TP73: variants seen among roughly 807,000 people sequenced by gnomAD.
TP73 encodes tumor protein p73.
Under a neutral mutation model 62.5 loss-of-function variants are expected in TP73, and 25 were observed. The observed-to-expected ratio is 0.40, with a 90% CI of 0.29 to 0.56. TP73 has a LOEUF of 0.56. Among genes scored for constraint, TP73 ranks in the 20% least tolerant of loss-of-function variants. TP73 has a pLI of 0.46. For missense variants in TP73, 754 were observed against 913.3 expected, an observed-to-expected ratio of 0.83 and a Z score of 2.25; for synonymous variants, 423 against 377.5, an observed-to-expected ratio of 1.12 and a Z score of -1.40.
intron 13 of TP73, among the ~76,000 whole-genome samples, chr1:3,732,439 G>GGTCC (rs1192008473): frequency 1.3e-5 from 2 of 152,202 alleles, no homozygotes; most frequent in African/African-American, 2.4e-5. Context: ...ATGAGCTGGG[G>GGTCC]GTCCACTCCA....
At chr1:3,681,728 C>T (rs961134148) in intron 1 of TP73, among the ~76,000 whole-genome samples, 4 of 152,212 alleles carry the variant, frequency 2.6e-5, no homozygotes, top group African/African-American at 4.8e-5. Flanking sequence ...CAGCCTCCAG[C>T]GCAGCCCTCA....
rs1638719274 is a variant in TP73 at position 3,696,999 on chromosome 1, CT to C, written c.187-10549del. ...AGGACCTCAACTTGCTAAACCCAAA[CT>C]AAACTTATCTTCCCCTGAGAGGGGA... On this transcript the variant is annotated intron_variant, in intron 3 of 13. Transcript: ENST00000378295. The surrounding 1 kb of genome is among the most constrained non-coding windows in gnomAD (Gnocchi z 4.1). 1.3e-5 allele frequency among the ~76,000 whole-genome samples: 2 copies of C among 152,222 alleles called. No homozygotes were observed. Among genetic ancestry groups the C allele is most frequent in the African/African-American group, 4.8e-5 (2 of 41,466 alleles).
intron 11 of TP73, among the ~76,000 whole-genome samples, chr1:3,730,417 G>T (rs1329783082): frequency 6.6e-6 from 1 of 152,234 alleles, no homozygotes; most frequent in Non-Finnish European, 1.5e-5. Context: ...GCTTGGGGAA[G>T]GCTCTTAACA....
chr1:3,702,119 C>G (rs574123377), intron 3 of TP73, among the ~76,000 whole-genome samples: 6 of 152,366 alleles, frequency 3.9e-5, no homozygotes, highest in Non-Finnish European at 7.3e-5. Context: ...CAGCCATCAC[C>G]GTCCCCAGCT....
At chr1:3,690,869 C>T in intron 3 of TP73, 1 of 1,562,648 alleles carries the variant, frequency 6.4e-7, no homozygotes, top group Non-Finnish European at 8.7e-7. Context: ...CACGGGACAC[C>T]AGTTCCCTGG....
chr1:3,661,880 T>C (rs6665998), intron 1 of TP73, among the ~76,000 whole-genome samples: 11,671 of 148,002 alleles, frequency 0.079, 610 homozygotes, highest in East Asian at 0.16. Context: ...ATATATTTTT[T>C]ATTTTATTTT....
chr1:3,709,311 C>G (rs1379556741), intron 4 of TP73, among the ~76,000 whole-genome samples: 2 of 152,216 alleles, frequency 1.3e-5, no homozygotes, highest in African/African-American at 4.8e-5. Context: ...GCACCTCCTC[C>G]GGGGCCTCCC....
chr1:3,654,118 G>A (rs542981857), intron 1 of TP73, among the ~76,000 whole-genome samples: 3 of 152,294 alleles, frequency 2.0e-5, no homozygotes, highest in African/African-American at 4.8e-5. Flanking sequence ...AGGTTGCAGC[G>A]AGCTGATATC....
At chr1:3,722,430 T>A (rs144666894) in intron 5 of TP73, among the ~76,000 whole-genome samples, 3,582 of 152,238 alleles carry the variant, frequency 0.024, 60 homozygotes, top group Middle Eastern at 0.041. Flanking sequence ...CTGGGCAGAG[T>A]CTGAGGGGCA....
rs115837533 is a variant in TP73 at position 3,707,259 on chromosome 1, C to T, written c.187-290C>T. ...TCAGGGCCTGGGAGCCTCCCCCACC[C>T]GACGCCTCCCCTCCAGGTGTGCAGA... On this transcript the variant is annotated intron_variant, in intron 3 of 13. Coordinates refer to ENST00000378295, the MANE Select transcript of TP73 (RefSeq NM_005427.4). Among the ~76,000 whole-genome samples the T allele has an allele frequency of 9.2e-3, 1,405 of 152,272 alleles. 27 individuals carry two copies. The highest frequency in any genetic ancestry group is 0.032 in the African/African-American group (1,349 of 41,540).
At chr1:3,724,891 T>C (rs1445091003) in intron 6 of TP73, among the ~76,000 whole-genome samples, 1 of 152,216 alleles carries the variant, frequency 6.6e-6, no homozygotes, top group Non-Finnish European at 1.5e-5. Flanking sequence ...TCGTGGCGCA[T>C]GCCTGTAATT....
intron 4 of TP73, among the ~76,000 whole-genome samples, chr1:3,716,882 G>A (rs1227329819): frequency 6.6e-6 from 1 of 152,166 alleles, no homozygotes; most frequent in Non-Finnish European, 1.5e-5. Context: ...AAGGGTCCAG[G>A]GCCTTGGCAG....
At chr1:3,726,924 T>C (rs1234616680) in intron 6 of TP73, among the ~76,000 whole-genome samples, 191 bp from the exon 7 acceptor site, 5 of 151,366 alleles carry the variant, frequency 3.3e-5, no homozygotes, top group East Asian at 2.0e-4. Flanking sequence ...GATGGACGGA[T>C]GGATGGATGG....
At chr1:3,661,724 A>ATATATATATATATAATATGTAT (rs1557482359) in intron 1 of TP73, among the ~76,000 whole-genome samples, 270 of 6,378 alleles carry the variant, frequency 0.042, no homozygotes, top group African/African-American at 0.22. Context: ...TATTTTGTGT[A>ATATATATATATATAATATGTAT]TATATATATA....
At chr1:3,658,002 C>T (rs912035581) in intron 1 of TP73, among the ~76,000 whole-genome samples, 4 of 152,210 alleles carry the variant, frequency 2.6e-5, no homozygotes, top group East Asian at 3.8e-4. Context: ...CGGGGGACAT[C>T]GGTCTGCGCG....
intron 3 of TP73, among the ~76,000 whole-genome samples, chr1:3,686,202 G>A (rs937602517): frequency 3.9e-5 from 6 of 152,252 alleles, no homozygotes; most frequent in South Asian, 2.1e-4. Flanking sequence ...GTGCTTGAGC[G>A]CAGGACACTG....
chr1:3,698,188 G>A, intron 3 of TP73: 1 of 933,014 alleles, frequency 1.1e-6, no homozygotes, highest in African/African-American at 1.8e-5. Context: ...AGGGGCATGT[G>A]TGCAAGGACA....
Position 3,663,512 on chromosome 1 carries a change from G to A in TP73, c.-34+10871G>A, listed in dbSNP as rs1168110117. Among the ~76,000 whole-genome samples, 2 of 151,922 alleles carry A rather than the reference G, an allele frequency of 1.3e-5. No homozygotes were observed. The highest frequency in any genetic ancestry group is 2.4e-5 in the African/African-American group (1 of 41,358). On this transcript the variant is annotated intron_variant, in intron 1 of 13. Coordinates refer to ENST00000378295, the MANE Select transcript of TP73 (RefSeq NM_005427.4). The surrounding 1 kb of genome is among the most constrained non-coding windows in gnomAD (Gnocchi z 4.7). ...GGGCGGATCACTAGGTCAGGAGATC[G>A]AGACTATACTGGCTCACACGGTGAA...
intron 4 of TP73, among the ~76,000 whole-genome samples, chr1:3,710,582 G>T (rs1640056368): frequency 6.6e-6 from 1 of 152,212 alleles, no homozygotes; most frequent in South Asian, 2.1e-4. Flanking sequence ...TCAAGTACAA[G>T]TCCACATTGG....
Sources: gnomAD v4.1 joint callset for allele counts (sites outside exome capture counted in the v4.1 genomes callset) on GRCh38, gnomAD v4.1.1 for gene constraint, Gnocchi (gnomAD v3.1) non-coding constraint, MANE v1.5 for transcripts, NCBI Gene and HGNC (gene_info 2026-07-23, HGNC 2026-07-21) for gene names.